Variants in CADM2 observed in about 807,000 individuals in gnomAD.
CADM2 encodes cell adhesion molecule 2, also known as immunoglobulin superfamily member 4D.
A neutral mutation model predicts 49.8 loss-of-function variants in CADM2; 12 were observed. The ratio of observed to expected loss-of-function variants is 0.24; its 90% CI spans 0.15 to 0.39. The LOEUF is 0.39. Ranked by LOEUF, CADM2 falls within the 10% of genes least tolerant of loss-of-function variation. The pLI, the probability that CADM2 is intolerant of heterozygous loss-of-function variation, is 1.00. For missense variants in CADM2, 378 were observed against 492.3 expected (o/e 0.77, Z 2.20); for synonymous variants, 214 against 175.4 (o/e 1.22, Z -1.74).
chr3:85,882,775 G>A (rs1713002820), intron 3 of CADM2, among the ~76,000 whole-genome samples: 1 of 152,142 alleles, frequency 6.6e-6, no homozygotes, highest in South Asian at 2.1e-4. Context: ...AAATTTAAAA[G>A]CCAGATAGTT....
intron 1 of CADM2, among the ~76,000 whole-genome samples, chr3:85,491,727 A>C (rs1346370296): frequency 6.6e-6 from 1 of 151,978 alleles, no homozygotes; most frequent in East Asian, 1.9e-4. Flanking sequence ...AGAGGCGGGC[A>C]GATCACGAGG....
intron 3 of CADM2, among the ~76,000 whole-genome samples, chr3:85,852,507 C>A (rs1292749968): frequency 6.6e-6 from 1 of 152,016 alleles, no homozygotes; most frequent in African/African-American, 2.4e-5. Flanking sequence ...TTGAATAGTT[C>A]CACAATCTGT....
chr3:85,869,960 CCTATCTGCCT>C (rs1172886197), intron 3 of CADM2, among the ~76,000 whole-genome samples: 8 of 152,126 alleles, frequency 5.3e-5, no homozygotes, highest in Non-Finnish European at 1.0e-4. Context: ...CGCGCCCTGC[CCTATCTGCCT>C]AGATTTTAGT....
intron 1 of CADM2, among the ~76,000 whole-genome samples, chr3:85,078,202 T>A (rs1206130917): frequency 6.6e-6 from 1 of 152,024 alleles, no homozygotes; most frequent in Non-Finnish European, 1.5e-5. Flanking sequence ...TTTCTTTAAA[T>A]GATCCTATTT....
intron 8 of CADM2, among the ~76,000 whole-genome samples, chr3:86,024,307 C>A (rs568050124): frequency 2.5e-4 from 38 of 152,284 alleles, no homozygotes; most frequent in Admixed American, 2.5e-3. Flanking sequence ...TCAATGTATG[C>A]ATATTCATAT....
intron 1 of CADM2, among the ~76,000 whole-genome samples, chr3:85,357,774 T>A (rs2031996898): frequency 6.6e-6 from 1 of 152,038 alleles, no homozygotes; most frequent in Admixed American, 6.6e-5. Context: ...AAGTAAATTA[T>A]CAGTGGGAAA....
At chr3:85,791,521 G>GGGGAGA (rs2071322592) in intron 2 of CADM2, among the ~76,000 whole-genome samples, 1 of 131,296 alleles carries the variant, frequency 7.6e-6, no homozygotes, top group South Asian at 2.5e-4. Context: ...GGGTGGGGAG[G>GGGGAGA]GAGAGAGAGA....
chr3:85,828,687 T>G (rs11923173), intron 3 of CADM2, among the ~76,000 whole-genome samples: 6,057 of 152,026 alleles, frequency 0.04, 252 homozygotes, highest in East Asian at 0.19. Context: ...ATCATTGATG[T>G]TGTTCTTTCA....
chr3:85,678,889 C>A (rs955497464), intron 1 of CADM2, among the ~76,000 whole-genome samples: 1 of 152,072 alleles, frequency 6.6e-6, no homozygotes, highest in Non-Finnish European at 1.5e-5. Flanking sequence ...TGGCTCCTGG[C>A]ATCCGTTAGA....
chr3:86,014,625 C>A, intron 8 of CADM2: 1 of 1,593,550 alleles, frequency 6.3e-7, no homozygotes, highest in Non-Finnish European at 8.6e-7. Flanking sequence ...ATTCTTAGAA[C>A]AGCACCTCAA....
intron 1 of CADM2, among the ~76,000 whole-genome samples, chr3:85,695,657 AG>A (rs2066529068): frequency 6.6e-6 from 1 of 152,002 alleles, no homozygotes; most frequent in African/African-American, 2.4e-5. Flanking sequence ...TCCATCCAAA[AG>A]TTGATGGGAA....
intron 1 of CADM2, among the ~76,000 whole-genome samples, chr3:85,158,203 G>A (rs1022039569): frequency 6.6e-6 from 1 of 152,194 alleles, no homozygotes; most frequent in Non-Finnish European, 1.5e-5. Flanking sequence ...AGGTGCTGGA[G>A]AGGATATGGA....
chr3:85,683,578 C>A (rs2066102090), intron 1 of CADM2, among the ~76,000 whole-genome samples: 1 of 152,070 alleles, frequency 6.6e-6, no homozygotes. Context: ...GTTTATTTTC[C>A]AAATGTGACT....
chr3:85,889,295 A>G (rs1653429975), intron 5 of CADM2, among the ~76,000 whole-genome samples: 1 of 152,188 alleles, frequency 6.6e-6, no homozygotes, highest in Admixed American at 6.6e-5. Flanking sequence ...CTTGTCCAGA[A>G]TATGTCCATA....
chr3:84,979,361 GAT>G (rs1227450576), intron 1 of CADM2, among the ~76,000 whole-genome samples: 1 of 151,944 alleles, frequency 6.6e-6, no homozygotes, highest in African/African-American at 2.4e-5. Flanking sequence ...CATACTTACT[GAT>G]ATCTAAGTAT....
chr3:86,042,688 C>T (rs1263381672), intron 8 of CADM2, among the ~76,000 whole-genome samples: 1 of 152,080 alleles, frequency 6.6e-6, no homozygotes, highest in African/African-American at 2.4e-5. Flanking sequence ...GAAACTATTC[C>T]AATCAATAGA....
chr3:85,096,528 A>G (rs1204471477), intron 1 of CADM2, among the ~76,000 whole-genome samples: 1 of 152,170 alleles, frequency 6.6e-6, no homozygotes, highest in Non-Finnish European at 1.5e-5. Flanking sequence ...TTTGATTTAT[A>G]AGTTTGGGTT....
chr3:85,354,186 G>A (rs190336461), intron 1 of CADM2, among the ~76,000 whole-genome samples: 27 of 151,428 alleles, frequency 1.8e-4, no homozygotes, highest in African/African-American at 5.1e-4. Context: ...TTACATTATC[G>A]TGTCTAAATC....
At chr3:85,945,640 A>G (rs1423783550) in intron 7 of CADM2, among the ~76,000 whole-genome samples, 1 of 152,188 alleles carries the variant, frequency 6.6e-6, no homozygotes, top group Non-Finnish European at 1.5e-5. Flanking sequence ...AAATCAGTAA[A>G]TGTAATCCAG....
Sources: gnomAD v4.1 joint callset for allele counts (sites outside exome capture counted in the v4.1 genomes callset) on GRCh38, gnomAD v4.1.1 for gene constraint, MANE v1.5 for transcripts, NCBI Gene and HGNC (gene_info 2026-07-23, HGNC 2026-07-21) for gene names.